Variants in FAM3A observed in about 807,000 individuals in gnomAD.
The protein encoded by FAM3A is protein FAM3A.
In FAM3A, 5 loss-of-function variants were observed where a neutral mutation model predicts 18.1. That is an observed-to-expected ratio of 0.28 (90% CI 0.14 to 0.58). The LOEUF is 0.58. Among genes scored for constraint, FAM3A ranks in the 20% least tolerant of loss-of-function variants. The pLI is 0.91. For missense variants in FAM3A, 154 were observed against 216.6 expected, an observed-to-expected ratio of 0.71 and a Z score of 1.81; for synonymous variants, 108 against 90.2, an observed-to-expected ratio of 1.20 and a Z score of -1.12.
chrX:154,514,866 A>G (rs1557224966), intron 1 of FAM3A, among the ~76,000 whole-genome samples: 1 of 102,763 alleles, frequency 9.7e-6, no homozygotes, highest in African/African-American at 3.7e-5. Context: ...CTTTTTTGAG[A>G]CGGAGTCTCG....
At chrX:154,511,732 C>G (rs1557222766) in intron 3 of FAM3A, 116 bp downstream of exon 3, 5 of 692,096 alleles carry the variant, frequency 7.2e-6, no homozygotes, top group Non-Finnish European at 9.2e-6. Flanking sequence ...AAGCAGCCCC[C>G]GTGGACCACC....
intron 3 of FAM3A, chrX:154,511,507 A>G (rs1460119640): frequency 2.3e-5 from 5 of 219,958 alleles, no homozygotes; most frequent in Middle Eastern, 1.4e-3. Context: ...GGCCCAGAAG[A>G]AAGAATCTCA....
At chrX:154,507,682 C>T (rs2069627833) in intron 6 of FAM3A, 129 bp downstream of exon 6, 5 of 853,462 alleles carry the variant, frequency 5.9e-6, no homozygotes, top group Non-Finnish European at 6.8e-6. Context: ...TGGCGATGCC[C>T]CTGTCCTTTC....
rs1569555919 is a variant in FAM3A, at chrX:154,512,803, A to G, written c.127+20T>C. On this transcript the variant is annotated intron_variant, in intron 2 of 8. Transcript: ENST00000447601. ...CCTTGGTGGCCTCCAGAGAAGGATA[A>G]GGCGGGGTCCCACACTCACTGGTGA... 1 of 1,151,179 alleles carries G rather than the reference A, an allele frequency of 8.7e-7. No individual in the cohort carries two copies. Among genetic ancestry groups the G allele is most frequent in the Non-Finnish European group, 1.2e-6 (1 of 841,131 alleles). The allele number at this position is 1,151,179 out of a possible 1,213,427, so 94.9% of individuals were successfully genotyped here. A position where few individuals can be genotyped will look rare whatever the true frequency, so the allele number is the denominator to read the frequency against.
chrX:154,512,709 G>A, intron 2 of FAM3A, 114 bp downstream of exon 2: 2 of 519,852 alleles, frequency 3.8e-6, no homozygotes, highest in Admixed American at 6.4e-5. Flanking sequence ...AAGGTAGCCT[G>A]CCAGGGAGGA....
chrX:154,511,653 G>A (rs1438440630), intron 3 of FAM3A, among the ~76,000 whole-genome samples, 195 bp downstream of exon 3: 4 of 111,946 alleles, frequency 3.6e-5, no homozygotes, highest in Non-Finnish European at 7.5e-5. Context: ...TCCTAGGCCT[G>A]CCCCACCGTC....
chrX:154,511,891 T>C lies in FAM3A; in HGVS notation c.128-20A>G. ...CTGGACCTGTGGATACAGAGTGGTTTCTGTTAGTGTGGAGCCTCCCGGGGC... is the reference window on the plus strand; with the variant it reads ...CTGGACCTGTGGATACAGAGTGGTTCCTGTTAGTGTGGAGCCTCCCGGGGC... On this transcript the variant is annotated intron_variant, in intron 2 of 8. Coordinates refer to ENST00000447601, the MANE Select transcript of FAM3A (RefSeq NM_021806.4). 1 of 1,206,543 alleles carries C rather than the reference T, an allele frequency of 8.3e-7. No homozygotes were observed. Among genetic ancestry groups the C allele is most frequent in the Non-Finnish European group, 1.1e-6 (1 of 891,681 alleles).
chrX:154,508,915 A>T, intron 3 of FAM3A: 1 of 351,587 alleles, frequency 2.8e-6, no homozygotes, highest in South Asian at 3.0e-5. Context: ...AGCTGCATGG[A>T]TGAGGCCAAC....
In FAM3A at chrX:154,516,181, C is replaced by A. The variant is rs1485493972; in HGVS notation, c.-409G>T. The A allele has an allele frequency of 7.7e-6, 1 of 129,511 alleles. No individual in the cohort carries two copies. The highest frequency in any genetic ancestry group is 1.5e-5 in the Non-Finnish European group (1 of 64,633). 10.7% of individuals were successfully genotyped at this position (129,511 alleles called of 1,213,427 possible). On this transcript the variant is annotated 5_prime_UTR_variant, in exon 1 of 9. Coordinates refer to ENST00000447601, the MANE Select transcript of FAM3A (RefSeq NM_021806.4). ...GTCAGGCCCGCCGACCCGCTCCGCCCCGGGAGAGGACGCAAGGCCGCTGCG... is the reference window on the plus strand; with the variant it reads ...GTCAGGCCCGCCGACCCGCTCCGCCACGGGAGAGGACGCAAGGCCGCTGCG...
At chrX:154,511,921 G>C in intron 2 of FAM3A, 50 bp from the exon 3 acceptor site, 1 of 1,141,931 alleles carries the variant, frequency 8.8e-7, no homozygotes. Flanking sequence ...CGGGGCCTGC[G>C]GCAGGGCAGC....
In FAM3A at chrX:154,515,945, C is replaced by T; in HGVS notation, c.-173G>A. The T allele has an allele frequency of 2.1e-6, 1 of 474,442 alleles. No individual in the cohort carries two copies. The highest frequency in any genetic ancestry group is 3.1e-5 in the South Asian group (1 of 32,267). 39.1% of individuals were successfully genotyped at this position (474,442 alleles called of 1,213,427 possible). A position where few individuals can be genotyped will look rare whatever the true frequency, so the allele number is the denominator to read the frequency against. On this transcript the variant is annotated 5_prime_UTR_variant, in exon 1 of 9. Coordinates refer to ENST00000447601, the MANE Select transcript of FAM3A (RefSeq NM_021806.4). ...AGCCGCCCGGCCAGGCAGGGCTCCT[C>T]GGAAACGCGCGGGGAAACCCTGCCT...
Position 154,514,909 on chromosome X carries a change from G to A in FAM3A, c.13+851C>T, listed in dbSNP as rs782360061. ...GCCCAGGCTGGAGTTATGCGGTGGC[G>A]CAATCTCGGCTCACTGCAACCTCAG... On this transcript the variant is annotated intron_variant, in intron 1 of 8. Coordinates refer to ENST00000447601, the MANE Select transcript of FAM3A (RefSeq NM_021806.4). 1.4e-4 allele frequency among the ~76,000 whole-genome samples: 15 copies of A among 110,014 alleles called. No individual in the cohort carries two copies. The East Asian group carries it at 1.7e-3, about 13-fold the overall frequency.
At position 154,506,503 on chromosome X, in the gene FAM3A, G is replaced by A; in HGVS notation, c.*308C>T. On this transcript the variant is annotated 3_prime_UTR_variant, in exon 9 of 9. Coordinates refer to ENST00000447601, the MANE Select transcript of FAM3A (RefSeq NM_021806.4). Reference sequence around the variant, plus strand: ...CCAGGGCCGTTCCAGGACTCAAGATGGGGATGGAGATGGCGTGAGGAATGG... The same window carrying A: ...CCAGGGCCGTTCCAGGACTCAAGATAGGGATGGAGATGGCGTGAGGAATGG... The A allele has an allele frequency of 3.3e-6, 1 of 305,712 alleles. No individual in the cohort carries two copies. The highest frequency in any genetic ancestry group is 5.9e-6 in the Non-Finnish European group (1 of 169,102). The allele number at this position is 305,712 out of a possible 1,213,427, so 25.2% of individuals were successfully genotyped here.
At chrX:154,514,559 A>T (rs1271797289) in intron 1 of FAM3A, among the ~76,000 whole-genome samples, 4 of 110,737 alleles carry the variant, frequency 3.6e-5, no homozygotes, top group Non-Finnish European at 5.7e-5. Context: ...GCCCGCCACC[A>T]CGCCCGGCTA....
At chrX:154,513,100 C>T (rs781787283) in intron 1 of FAM3A, among the ~76,000 whole-genome samples, 164 bp from the exon 2 acceptor site, 1 of 111,913 alleles carries the variant, frequency 8.9e-6, no homozygotes, top group East Asian at 2.8e-4. Context: ...GAAAGGGAGA[C>T]TTGAGCTCCC....
chrX:154,507,534 T>C (rs2069617024), intron 6 of FAM3A, 44 bp from the exon 7 acceptor site: 1 of 1,132,062 alleles, frequency 8.8e-7, no homozygotes, highest in Non-Finnish European at 1.2e-6. Context: ...CAGGCACCAC[T>C]GAGCACCCTC....
intron 5 of FAM3A, 139 bp from the exon 6 acceptor site, chrX:154,508,000 G>T: frequency 1.7e-6 from 1 of 579,231 alleles, no homozygotes; most frequent in Non-Finnish European, 2.7e-6. Context: ...TGTTCAGGCA[G>T]CTGCATCCCA....
At position 154,507,434 on chromosome X, in the gene FAM3A, C is replaced by A. The variant is rs781927222; in HGVS notation, c.442G>T (p.Val148Leu). Residue 148 changes from valine to leucine, a missense_variant, in exon 7 of 9, where the codon GTG (valine) becomes TTG (leucine). Coordinates refer to ENST00000447601, the MANE Select transcript of FAM3A (RefSeq NM_021806.4). ...GTGGCTGGGTCGTCGTAGGATGCCA[C>A]GAACACCAGGGTGCCTTCGTGCAGT... ...RPLHEGTLVFVASYDDPATKM... is the reference protein window; with the variant it reads ...RPLHEGTLVFLASYDDPATKM... 1 of 1,211,614 alleles carries A rather than the reference C, an allele frequency of 8.3e-7. No individual in the cohort carries two copies. Among genetic ancestry groups the A allele is most frequent in the Admixed American group, 2.2e-5 (1 of 46,068 alleles).
At chrX:154,515,331 C>T (rs959418090) in intron 1 of FAM3A, among the ~76,000 whole-genome samples, 6 of 111,455 alleles carry the variant, frequency 5.4e-5, no homozygotes, top group African/African-American at 2.0e-4. Flanking sequence ...TTCTACTCTC[C>T]ACCCAGCCCC....
Sources: gnomAD v4.1 joint callset for allele counts (sites outside exome capture counted in the v4.1 genomes callset) on GRCh38, gnomAD v4.1.1 for gene constraint, MANE v1.5 for transcripts, NCBI Gene and HGNC (gene_info 2026-07-23, HGNC 2026-07-21) for gene names.